The following CCDC171 variants were observed in gnomAD, a reference collection of about 807,000 sequenced individuals.
The protein encoded by CCDC171 is coiled-coil domain-containing protein 171.
Under a neutral mutation model 168.2 loss-of-function variants are expected in CCDC171, and 177 were observed. The ratio of observed to expected loss-of-function variants is 1.05; its 90% CI spans 0.93 to 1.19. The LOEUF (loss-of-function observed/expected upper bound fraction) is 1.19, where lower values mean the gene tolerates loss of function less well. Among genes scored for constraint, CCDC171 ranks in the 50% most tolerant of loss-of-function variants. The pLI is 0.00. For missense variants in CCDC171, 1,991 were observed against 1,539.0 expected (o/e 1.29, Z -4.91); for synonymous variants, 687 against 540.8 (o/e 1.27, Z -3.75).
chr9:15,700,256 C>G (rs7032891), intron 11 of CCDC171, among the ~76,000 whole-genome samples: 2 of 152,234 alleles, frequency 1.3e-5, no homozygotes, highest in African/African-American at 2.4e-5. Context: ...TGGGGGACCC[C>G]GTACACCCTC....
At chr9:15,600,924 A>T (rs1166859377) in intron 6 of CCDC171, among the ~76,000 whole-genome samples, 1 of 152,094 alleles carries the variant, frequency 6.6e-6, no homozygotes, top group African/African-American at 2.4e-5. Context: ...TGGGTGTAGG[A>T]CCCTCCGAGC....
intron 7 of CCDC171, among the ~76,000 whole-genome samples, chr9:15,631,605 G>C (rs1479713949): frequency 2.6e-5 from 4 of 152,162 alleles, no homozygotes; most frequent in African/African-American, 9.7e-5. Context: ...GGAGGAACTG[G>C]TACCATTCCT....
chr9:15,829,390 A>C (rs1408210838), intron 21 of CCDC171, among the ~76,000 whole-genome samples: 1 of 152,180 alleles, frequency 6.6e-6, no homozygotes. Context: ...GACCACTTAA[A>C]TGTGTCTAAA....
chr9:15,634,462 T>C (rs2046033777), intron 7 of CCDC171, among the ~76,000 whole-genome samples: 2 of 152,174 alleles, frequency 1.3e-5, no homozygotes, highest in Non-Finnish European at 2.9e-5. Flanking sequence ...GATTTTGGTC[T>C]GGTGCACCCC....
intron 3 of CCDC171, among the ~76,000 whole-genome samples, chr9:16,007,835 C>G (rs1046403713): frequency 6.6e-6 from 1 of 152,072 alleles, no homozygotes; most frequent in Non-Finnish European, 1.5e-5. Context: ...GTTACTGTAG[C>G]CTTGTAGTAT....
chr9:15,717,251 C>G (rs2053152345), intron 11 of CCDC171, among the ~76,000 whole-genome samples: 1 of 152,290 alleles, frequency 6.6e-6, no homozygotes, highest in Middle Eastern at 3.4e-3. Context: ...GAAAGCAACA[C>G]TGAGAATAAG....
At chr9:15,706,095 G>C (rs2052199499) in intron 11 of CCDC171, among the ~76,000 whole-genome samples, 1 of 152,060 alleles carries the variant, frequency 6.6e-6, no homozygotes, top group African/African-American at 2.4e-5. Context: ...TCCTATTTCT[G>C]CTTTCTACTA....
rs1458980102 is a variant in CCDC171 at position 15,678,896 on chromosome 9, G to A, written c.1215G>A (p.Met405Ile). The A allele has an allele frequency of 1.9e-6, 3 of 1,575,238 alleles. No individual in the cohort carries two copies. Among genetic ancestry groups the A allele is most frequent in the Non-Finnish European group, 2.6e-6 (3 of 1,166,086 alleles). Reference protein sequence around the residue: ...SCSELQEELVMAKKHQAFLVE... With the variant: ...SCSELQEELVIAKKHQAFLVE... ...GTGAATTACAGGAAGAACTAGTAATGGTAAGGATAAAAAAGAAAACCCTAT... is the reference window on the plus strand; with the variant it reads ...GTGAATTACAGGAAGAACTAGTAATAGTAAGGATAAAAAAGAAAACCCTAT... Residue 405 changes from methionine (M) to isoleucine (I), a missense_variant and splice_region_variant, in exon 10 of 26, where the codon ATG becomes ATA. By Grantham distance (10) the Met-to-Ile change is conservative. Coordinates refer to ENST00000380701, the MANE Select transcript of CCDC171 (RefSeq NM_173550.4).
chr9:16,090,160 G>C, the CCDC171 span, among the ~76,000 whole-genome samples: 1 of 152,082 alleles, frequency 6.6e-6, no homozygotes, highest in Non-Finnish European at 1.5e-5. Context: ...GCAACGATTT[G>C]GAACTAACCC....
chr9:15,859,031 T>A (rs2061448297), intron 23 of CCDC171, among the ~76,000 whole-genome samples: 1 of 152,096 alleles, frequency 6.6e-6, no homozygotes, highest in Non-Finnish European at 1.5e-5. Flanking sequence ...TCTACATATA[T>A]GGCCTTTGGT....
chr9:15,635,505 C>A (rs1301732713), intron 7 of CCDC171, among the ~76,000 whole-genome samples: 1 of 152,132 alleles, frequency 6.6e-6, no homozygotes, highest in Non-Finnish European at 1.5e-5. Flanking sequence ...GCAAGTCTCC[C>A]CATTCCACTT....
At chr9:15,793,590 T>A (rs1326293161) in intron 21 of CCDC171, among the ~76,000 whole-genome samples, 1 of 110,300 alleles carries the variant, frequency 9.1e-6, no homozygotes, top group African/African-American at 3.9e-5. Context: ...TGAGACAGAG[T>A]CTCACTCTCT....
intron 3 of CCDC171, among the ~76,000 whole-genome samples, chr9:15,992,181 A>G (rs962799084): frequency 6.6e-6 from 1 of 152,250 alleles, no homozygotes; most frequent in Non-Finnish European, 1.5e-5. Context: ...AAAATCCTCA[A>G]TAAAATACTG....
At chr9:16,106,463 G>T in the CCDC171 span, among the ~76,000 whole-genome samples, 1 of 152,080 alleles carries the variant, frequency 6.6e-6, no homozygotes, top group African/African-American at 2.4e-5. Flanking sequence ...CCAACCCAGT[G>T]CAATTCCGGA....
chr9:16,108,332 C>A, the CCDC171 span, among the ~76,000 whole-genome samples: 3 of 152,334 alleles, frequency 2.0e-5, no homozygotes, highest in South Asian at 4.1e-4. Flanking sequence ...CTTTTACTTA[C>A]AAAGATTTAT....
intron 1 of CCDC171, among the ~76,000 whole-genome samples, chr9:16,047,288 T>C (rs892789761): frequency 3.9e-5 from 6 of 152,274 alleles, no homozygotes; most frequent in Admixed American, 6.5e-5. Flanking sequence ...CCCTGGTCTC[T>C]TTCCAGTTGA....
At chr9:16,082,682 C>T in the CCDC171 span, among the ~76,000 whole-genome samples, 6 of 152,166 alleles carry the variant, frequency 3.9e-5, no homozygotes, top group African/African-American at 7.2e-5. Context: ...TACACGCATG[C>T]GTGAGCTTTT....
intron 24 of CCDC171, among the ~76,000 whole-genome samples, chr9:15,889,943 G>A (rs1819967751): frequency 6.6e-6 from 1 of 152,078 alleles, no homozygotes; most frequent in Non-Finnish European, 1.5e-5. Flanking sequence ...GACTAGAAAT[G>A]GCTTTGTTTC....
intron 1 of CCDC171, among the ~76,000 whole-genome samples, chr9:16,055,335 G>A (rs776466655): frequency 6.6e-6 from 1 of 152,134 alleles, no homozygotes; most frequent in Non-Finnish European, 1.5e-5. Context: ...GAGAAGTTTG[G>A]GGTCCTCTTG....
Sources: allele counts gnomAD v4.1 joint callset (sites outside exome capture counted in the v4.1 genomes callset), GRCh38; gene constraint gnomAD v4.1.1; transcripts MANE v1.5; gene names NCBI Gene and HGNC (gene_info 2026-07-23, HGNC 2026-07-21).